Variants in YIF1A observed in about 807,000 individuals in gnomAD.
YIF1A encodes the protein Yip1 interacting factor homolog A, membrane trafficking protein, also known as protein YIF1A.
YIF1A carries 28 observed loss-of-function variants against 32.6 expected under a neutral mutation model. That is an observed-to-expected ratio of 0.86 (90% CI 0.64 to 1.18). The LOEUF is 1.18. Ranked by LOEUF, YIF1A falls within the 50% of genes most tolerant of loss-of-function variation. The probability of loss-of-function intolerance (pLI) is 0.00; values close to 1 mark genes in which losing one functional copy is unlikely to be tolerated. For synonymous variants in YIF1A, 175 were observed against 162.2 expected (o/e 1.08, Z -0.60); for missense variants, 373 against 390.8 (o/e 0.95, Z 0.38).
chr11:66,286,172 G>C (rs1857354795), intron 4 of YIF1A, among the ~76,000 whole-genome samples: 1 of 152,260 alleles, frequency 6.6e-6, no homozygotes, highest in East Asian at 1.9e-4. Context: ...ACCGCAGTCA[G>C]CAATTCTAAG....
In YIF1A at chr11:66,285,401, G is replaced by A. The variant is rs1857338971; in HGVS notation, c.621C>T (p.Tyr207=). Residue 207 remains tyrosine (Y), a synonymous_variant, in exon 6 of 8, where the codon TAC becomes TAT. Transcript: ENST00000376901. ...SDLSTFHLLA[Y]SGYKYVGMIL... The stretch of plus-strand genomic sequence containing the variant: ...CTCACCCCACGTATTTGTAGCCACT[G>A]TAGGCCAGCAGGTGAAAGGTGCTCA... The A allele has an allele frequency of 1.2e-6, 2 of 1,613,210 alleles. No individual in the cohort carries two copies. The highest frequency in any genetic ancestry group is 1.3e-5 in the African/African-American group (1 of 74,936).
At position 66,288,986 on chromosome 11, in the gene YIF1A, G is replaced by A. The variant is rs7945723; in HGVS notation, c.-1C>T. ...CTCCGTAGCCCGAGTGATAAGCCAT[G>A]GCCGCGACGCTCGCTGTCCCCGAGG... On this transcript the variant is annotated 5_prime_UTR_variant, in exon 1 of 8. Coordinates refer to ENST00000376901, the MANE Select transcript of YIF1A (RefSeq NM_020470.3). The A allele has an allele frequency of 0.17, 275,787 of 1,576,938 alleles. 24,656 individuals are homozygous for A. Among genetic ancestry groups the A allele is most frequent in the East Asian group, 0.25 (10,474 of 42,464 alleles).
intron 4 of YIF1A, chr11:66,287,161 C>T (rs1260531596): frequency 5.6e-6 from 1 of 180,010 alleles, no homozygotes; most frequent in Non-Finnish European, 1.2e-5. Flanking sequence ...GTTAATGTTT[C>T]CTACGTCCTT....
At position 66,289,093 on chromosome 11, in the gene YIF1A, G is replaced by A. The variant is rs76186148; in HGVS notation, c.-108C>T. The A allele has an allele frequency of 1.6e-5, 23 of 1,404,164 alleles. No individual in the cohort carries two copies. The highest frequency in any genetic ancestry group is 2.3e-4 in the Middle Eastern group (1 of 4,284). 87.0% of individuals were successfully genotyped at this position (1,404,164 alleles called of 1,614,324 possible). ...GGGTACCGACCGAGGCCACCCGGCC[G>A]CGCGACACGTCCCCCACCCCGCCGG... On this transcript the variant is annotated 5_prime_UTR_variant, in exon 1 of 8. Coordinates refer to ENST00000376901, the MANE Select transcript of YIF1A (RefSeq NM_020470.3).
intron 1 of YIF1A, 120 bp downstream of exon 1, chr11:66,288,835 C>T (rs899206110): frequency 1.5e-5 from 18 of 1,180,400 alleles, no homozygotes; most frequent in Non-Finnish European, 2.0e-5. Context: ...GGGGCAGGAA[C>T]CCGAGTGACA....
In YIF1A at chr11:66,288,947, C is replaced by G; in HGVS notation, c.31+8G>C. On this transcript the variant is annotated splice_region_variant and intron_variant, in intron 1 of 7. Coordinates refer to ENST00000376901, the MANE Select transcript of YIF1A (RefSeq NM_020470.3). Reference sequence around the variant, plus strand: ...GGCCGCGCCGCGCCCCGCCCGCGCCCCACGCACCGTGGGCTCCGTAGCCCG... The same window carrying G: ...GGCCGCGCCGCGCCCCGCCCGCGCCGCACGCACCGTGGGCTCCGTAGCCCG... The G allele has an allele frequency of 6.5e-7, 1 of 1,534,506 alleles. No homozygotes were observed. The highest frequency in any genetic ancestry group is 8.7e-7 in the Non-Finnish European group (1 of 1,149,892).
intron 6 of YIF1A, 143 bp downstream of exon 6, chr11:66,285,238 G>T: frequency 7.8e-7 from 1 of 1,277,424 alleles, no homozygotes; most frequent in Non-Finnish European, 1.1e-6. Flanking sequence ...ATCCTCAGGA[G>T]ACTGCTGGAG....
chr11:66,287,994 G>A, intron 2 of YIF1A, 78 bp from the exon 3 acceptor site: 5 of 1,607,070 alleles, frequency 3.1e-6, no homozygotes, highest in African/African-American at 1.3e-5. Flanking sequence ...CCATCCCTGA[G>A]GGCACTGTGA....
At chr11:66,285,319 C>G in intron 6 of YIF1A, 62 bp downstream of exon 6, 1 of 1,573,378 alleles carries the variant, frequency 6.4e-7, no homozygotes, top group Non-Finnish European at 8.6e-7. Flanking sequence ...GGTCACAGTT[C>G]GAGGCTACAG....
In YIF1A at chr11:66,287,614, A is replaced by G. The variant is rs1187578264; in HGVS notation, c.411T>C (p.Pro137=). ...PLPPRQDLNA[P]DLYIPTMAFI... Reference sequence around the variant, plus strand: ...GAGACTCACTGGGGATATAGAGGTCAGGGGCGTTGAGGTCTTGCCGGGGGG... The same window carrying G: ...GAGACTCACTGGGGATATAGAGGTCGGGGGCGTTGAGGTCTTGCCGGGGGG... The change falls in exon 4 of 8, where the codon CCT becomes CCC. Residue 137 remains proline, a synonymous_variant. Coordinates refer to ENST00000376901, the MANE Select transcript of YIF1A (RefSeq NM_020470.3). 6.2e-7 allele frequency: 1 copy of G among 1,610,726 alleles called. No homozygotes were observed.
chr11:66,288,198 G>A lies in YIF1A; in HGVS notation c.126C>T (p.Ala42=), dbSNP rs551312871. ...CACTGAAGGCCACGTCTGCTCCTGT[G>A]GCTGGGTATCCCCCGGGCTGGCTGG... The part of the protein sequence containing the change: ...GYSSQPGGYP[A]TGADVAFSVN... The change falls in exon 2 of 8, where the codon GCC becomes GCT. Residue 42 remains alanine (A), a synonymous_variant. Transcript: ENST00000376901. The A allele has an allele frequency of 3.2e-5, 52 of 1,614,170 alleles. 1 individual carries two copies. The East Asian group carries it at 7.6e-4, about 24-fold the overall frequency.
At chr11:66,285,618 C>G (rs762845314) in intron 5 of YIF1A, 82 bp from the exon 6 acceptor site, 3 of 1,610,104 alleles carry the variant, frequency 1.9e-6, no homozygotes, top group East Asian at 2.2e-5. Flanking sequence ...AGAGGGTGAG[C>G]TGGGGACCAC....
At chr11:66,285,880 C>T (rs1857349377) in intron 4 of YIF1A, 122 bp from the exon 5 acceptor site, 16 of 1,102,172 alleles carry the variant, frequency 1.5e-5, no homozygotes, top group Non-Finnish European at 1.8e-5. Context: ...ATGGCCTGAC[C>T]TCCACATTCT....
chr11:66,284,815 G>C (rs1857326153), intron 7 of YIF1A, 32 bp from the exon 8 acceptor site: 2 of 1,611,814 alleles, frequency 1.2e-6, no homozygotes, highest in Non-Finnish European at 1.7e-6. Flanking sequence ...GCCTGGCCAG[G>C]AGGGGGAGGT....
chr11:66,285,389 T>A lies in YIF1A; in HGVS notation c.633A>T (p.Lys211Asn). 1 of 1,612,302 alleles carries A rather than the reference T, an allele frequency of 6.2e-7. No homozygotes were observed. The highest frequency in any genetic ancestry group is 8.5e-7 in the Non-Finnish European group (1 of 1,179,156). Residue 211 changes from lysine (K) to asparagine (N), a missense_variant, in exon 6 of 8, where the codon AAA (lysine) becomes AAT (asparagine). By Grantham distance (94) the Lys-to-Asn change is moderately conservative (BLOSUM62 0). Coordinates refer to ENST00000376901, the MANE Select transcript of YIF1A (RefSeq NM_020470.3). Reference sequence around the variant, plus strand: ...GGCCCACAAGTGCTCACCCCACGTATTTGTAGCCACTGTAGGCCAGCAGGT... The same window carrying A: ...GGCCCACAAGTGCTCACCCCACGTAATTGTAGCCACTGTAGGCCAGCAGGT... ...TFHLLAYSGYKYVGMILSVLT... is the reference protein window; with the variant it reads ...TFHLLAYSGYNYVGMILSVLT...
At position 66,284,666 on chromosome 11, in the gene YIF1A, A is replaced by G. The variant is rs966145542; in HGVS notation, c.853T>C (p.Tyr285His). The G allele has an allele frequency of 1.1e-5, 18 of 1,612,878 alleles. No homozygotes were observed. The highest frequency in any genetic ancestry group is 1.4e-5 in the Non-Finnish European group (17 of 1,179,956). Residue 285 changes from tyrosine (Y) to histidine (H), a missense_variant, in exon 8 of 8, where the codon TAC becomes CAC. Tyr to His is a moderately conservative substitution (Grantham distance 83). Transcript: ENST00000376901. ...GAAAFQPLII[Y>H]WLTFHLVR ...CGGACCAGGTGGAAAGTCAGCCAGT[A>G]TATGATGAGGGGCTGGAAGGCTGCA... is the stretch of plus-strand genomic sequence containing the variant.
At chr11:66,285,883 C>T (rs1590895579) in intron 4 of YIF1A, 125 bp from the exon 5 acceptor site, 6 of 1,082,394 alleles carry the variant, frequency 5.5e-6, no homozygotes, top group Non-Finnish European at 5.4e-6. Flanking sequence ...GCCTGACCTC[C>T]ACATTCTGCT....
intron 4 of YIF1A, chr11:66,287,151 G>C (rs1488801218): frequency 5.8e-6 from 1 of 173,672 alleles, no homozygotes; most frequent in Non-Finnish European, 1.3e-5. Flanking sequence ...GATGATAAGA[G>C]TTAATGTTTC....
At position 66,287,639 on chromosome 11, in the gene YIF1A, G is replaced by C. The variant is rs371922483; in HGVS notation, c.386C>G (p.Pro129Arg). 65 of 1,613,610 alleles carry C rather than the reference G, an allele frequency of 4.0e-5. No homozygotes were observed. The Middle Eastern group carries it at 6.6e-4, about 16-fold the overall frequency. Reference protein sequence around the residue: ...EVQYSRDAPLPPRQDLNAPDL... With the variant: ...EVQYSRDAPLRPRQDLNAPDL... ...AGGGGCGTTGAGGTCTTGCCGGGGGGGCAGAGGAGCATCACGACTGTACTG... is the reference window on the plus strand; with the variant it reads ...AGGGGCGTTGAGGTCTTGCCGGGGGCGCAGAGGAGCATCACGACTGTACTG... The change falls in exon 4 of 8, where the codon CCC (proline) becomes CGC (arginine). Residue 129 changes from proline (P) to arginine (R), a missense_variant. Coordinates refer to ENST00000376901, the MANE Select transcript of YIF1A (RefSeq NM_020470.3).
Sources: allele counts gnomAD v4.1 joint callset (sites outside exome capture counted in the v4.1 genomes callset), GRCh38; gene constraint gnomAD v4.1.1; transcripts MANE v1.5; gene names NCBI Gene and HGNC (gene_info 2026-07-23, HGNC 2026-07-21).